CNTN4: variants seen among roughly 807,000 people sequenced by gnomAD.
CNTN4 encodes the protein contactin-4.
Under a neutral mutation model 122.5 loss-of-function variants are expected in CNTN4, and 77 were observed. That is an observed-to-expected ratio of 0.63 (90% CI 0.52 to 0.76). CNTN4 has a LOEUF of 0.76. Ranked by LOEUF, CNTN4 falls within the 30% of genes least tolerant of loss-of-function variation. CNTN4 has a pLI of 0.00. For missense variants in CNTN4, 1,256 were observed against 1,259.1 expected (o/e 1.00, Z 0.04); for synonymous variants, 512 against 447.0 (o/e 1.15, Z -1.83).
intron 4 of CNTN4, among the ~76,000 whole-genome samples, chr3:2,729,543 C>CAAAAA (rs377584644): frequency 1.1e-4 from 8 of 69,908 alleles, no homozygotes; most frequent in African/African-American, 1.3e-4. Context: ...GACTCCATCT[C>CAAAAA]AAAAAAAAAA....
intron 2 of CNTN4, among the ~76,000 whole-genome samples, chr3:2,230,202 A>G (rs2039432994): frequency 6.6e-6 from 1 of 152,228 alleles, no homozygotes; most frequent in South Asian, 2.1e-4. Flanking sequence ...TTTTTGCTCC[A>G]GTTTGGATGG....
intron 3 of CNTN4, among the ~76,000 whole-genome samples, chr3:2,430,155 G>T (rs2048009414): frequency 6.6e-6 from 1 of 152,046 alleles, no homozygotes; most frequent in Non-Finnish European, 1.5e-5. Flanking sequence ...CGGGCTCAGT[G>T]GCTCACACCT....
chr3:2,806,696 G>A (rs1234634372), intron 6 of CNTN4, among the ~76,000 whole-genome samples: 3 of 152,272 alleles, frequency 2.0e-5, no homozygotes, highest in African/African-American at 7.2e-5. Flanking sequence ...TTCCTCAGGT[G>A]TTACATGAAC....
At chr3:2,674,647 A>G (rs2084734591) in intron 4 of CNTN4, among the ~76,000 whole-genome samples, 1 of 152,162 alleles carries the variant, frequency 6.6e-6, no homozygotes, top group Admixed American at 6.5e-5. Flanking sequence ...ATTCCCAGCT[A>G]CTGGGGAGGT....
chr3:2,507,353 TTTG>T (rs971490619), intron 3 of CNTN4, among the ~76,000 whole-genome samples: 6 of 152,006 alleles, frequency 3.9e-5, no homozygotes, highest in African/African-American at 1.4e-4. Flanking sequence ...TTAAACTGTC[TTTG>T]TTGGAAGGAA....
chr3:2,354,555 A>G (rs2044787521), intron 3 of CNTN4, among the ~76,000 whole-genome samples: 1 of 152,176 alleles, frequency 6.6e-6, no homozygotes. Flanking sequence ...GAATATTTTG[A>G]ACCTTAAGTG....
At chr3:2,456,916 G>T (rs977064205) in intron 3 of CNTN4, among the ~76,000 whole-genome samples, 5 of 152,054 alleles carry the variant, frequency 3.3e-5, no homozygotes, top group Non-Finnish European at 5.9e-5. Flanking sequence ...GCTAGTCAAT[G>T]AACTGAGTGC....
At chr3:2,672,198 C>G (rs1399661316) in intron 4 of CNTN4, among the ~76,000 whole-genome samples, 2 of 152,220 alleles carry the variant, frequency 1.3e-5, no homozygotes, top group East Asian at 3.9e-4. Context: ...TTTGGCTATG[C>G]CCTGCCCCCA....
intron 3 of CNTN4, among the ~76,000 whole-genome samples, chr3:2,445,102 A>G (rs2048575063): frequency 2.0e-5 from 3 of 151,998 alleles, no homozygotes; most frequent in Admixed American, 6.6e-5. Context: ...TTGTATTTTC[A>G]TCTGATTACT....
At chr3:2,469,034 G>T (rs1275962956) in intron 3 of CNTN4, among the ~76,000 whole-genome samples, 1 of 152,164 alleles carries the variant, frequency 6.6e-6, no homozygotes, top group Non-Finnish European at 1.5e-5. Flanking sequence ...ATCCGTCACT[G>T]TGGTCGAGCT....
intron 4 of CNTN4, among the ~76,000 whole-genome samples, chr3:2,620,492 C>T (rs2149919654): frequency 7.5e-6 from 1 of 133,490 alleles, no homozygotes; most frequent in Middle Eastern, 4.2e-3. Context: ...AGAGGGAGAC[C>T]CTGTATCCAA....
intron 3 of CNTN4, among the ~76,000 whole-genome samples, chr3:2,384,128 G>T (rs965211237): frequency 6.6e-6 from 1 of 152,136 alleles, no homozygotes; most frequent in Non-Finnish European, 1.5e-5. Context: ...ATAAGCTAAT[G>T]AATTGAGCTT....
rs114877889 is a variant in CNTN4 at position 2,966,524 on chromosome 3, G to A, written c.1359-21821G>A. ...GGTGATAGTTAATGGATACGAAAAT[G>A]TAGTTAGACAGGATGAAGAAAATCT... On this transcript the variant is annotated intron_variant, in intron 13 of 24. Transcript: ENST00000418658. Among the ~76,000 whole-genome samples, 469 of 152,276 alleles carry A rather than the reference G, an allele frequency of 3.1e-3. 3 individuals are homozygous for A. Among genetic ancestry groups the A allele is most frequent in the East Asian group, 0.012 (63 of 5,182 alleles).
At chr3:2,719,137 C>A (rs146135557) in intron 4 of CNTN4, among the ~76,000 whole-genome samples, 1 of 152,248 alleles carries the variant, frequency 6.6e-6, no homozygotes, top group African/African-American at 2.4e-5. Flanking sequence ...GGGACCTTGT[C>A]AATCTTTTTT....
At chr3:2,362,285 G>A in intron 3 of CNTN4, 1 of 185,584 alleles carries the variant, frequency 5.4e-6, no homozygotes, top group South Asian at 9.4e-5. Context: ...GCTGGCAGCT[G>A]GGTTGTGCCC....
intron 2 of CNTN4, among the ~76,000 whole-genome samples, chr3:2,207,351 C>T (rs1034425611): frequency 5.3e-5 from 8 of 152,116 alleles, no homozygotes; most frequent in Admixed American, 2.6e-4. Context: ...GAAGGCATGT[C>T]GAAAGCTGAG....
intron 3 of CNTN4, among the ~76,000 whole-genome samples, chr3:2,538,275 C>G (rs2077888717): frequency 6.6e-6 from 1 of 152,078 alleles, no homozygotes; most frequent in Non-Finnish European, 1.5e-5. Context: ...TGATCTCAGA[C>G]TTCTAGTCTT....
chr3:2,566,971 G>A (rs968999448), intron 3 of CNTN4, among the ~76,000 whole-genome samples: 9 of 152,092 alleles, frequency 5.9e-5, no homozygotes, highest in African/African-American at 1.9e-4. Context: ...TGTCCTTCAG[G>A]GGATTGCATT....
intron 3 of CNTN4, among the ~76,000 whole-genome samples, chr3:2,425,536 A>G (rs1215482980): frequency 6.6e-6 from 1 of 151,998 alleles, no homozygotes; most frequent in African/African-American, 2.4e-5. Flanking sequence ...TTGGTTTAGG[A>G]TTGTCTTGGC....
Sources: gnomAD v4.1 joint callset for allele counts (sites outside exome capture counted in the v4.1 genomes callset) on GRCh38, gnomAD v4.1.1 for gene constraint, MANE v1.5 for transcripts, NCBI Gene and HGNC (gene_info 2026-07-23, HGNC 2026-07-21) for gene names.